The following GALNT10 variants were observed in gnomAD, a reference collection of about 807,000 sequenced individuals.
GALNT10 encodes the protein GalNAc transferase 10.
GALNT10 carries 41 observed loss-of-function variants against 75.0 expected under a neutral mutation model. That is an observed-to-expected ratio of 0.55 (90% confidence interval 0.43 to 0.71). The LOEUF is 0.71. GALNT10 is among the 30% of genes least tolerant of loss of function. GALNT10 has a pLI of 0.00. For synonymous variants in GALNT10, 302 were observed against 313.0 expected (o/e 0.96, Z 0.37); for missense variants, 727 against 818.5 (o/e 0.89, Z 1.36).
At chr5:154,290,928 G>A (rs771572045) in intron 1 of GALNT10, among the ~76,000 whole-genome samples, 7 of 152,172 alleles carry the variant, frequency 4.6e-5, no homozygotes, top group South Asian at 2.1e-4. Flanking sequence ...TAGCAGCTGC[G>A]TGCTTAGACA....
In GALNT10 at chr5:154,418,356, G is replaced by C. The variant is rs1163312921; in HGVS notation, c.*1384G>C. The C allele has an allele frequency of 6.6e-6, 1 of 152,272 alleles. No individual in the cohort carries two copies. The highest frequency in any genetic ancestry group is 1.5e-5 in the Non-Finnish European group (1 of 68,076). The allele number at this position is 152,272 out of a possible 1,614,324, so 9.4% of individuals were successfully genotyped here. A position where few individuals can be genotyped will look rare whatever the true frequency, so the allele number is the denominator to read the frequency against. Reference sequence around the variant, plus strand: ...CAGATATACACCCAGCTCCATGCCAGCCCTTCATGTTTACCTTTTGCTTTG... The same window carrying C: ...CAGATATACACCCAGCTCCATGCCACCCCTTCATGTTTACCTTTTGCTTTG... On this transcript the variant is annotated 3_prime_UTR_variant, in exon 12 of 12. Coordinates refer to ENST00000297107, the MANE Select transcript of GALNT10 (RefSeq NM_198321.4).
At chr5:154,324,642 A>G (rs1484443758) in intron 3 of GALNT10, among the ~76,000 whole-genome samples, 1 of 152,152 alleles carries the variant, frequency 6.6e-6, no homozygotes, top group Non-Finnish European at 1.5e-5. Context: ...GTGGGCATCA[A>G]AGTCACCCAG....
In GALNT10 at chr5:154,372,618, G is replaced by A. The variant is rs77229309; in HGVS notation, c.569-3659G>A. Among the ~76,000 whole-genome samples, 981 of 152,326 alleles carry A rather than the reference G, an allele frequency of 6.4e-3. 12 individuals are homozygous for A. Among genetic ancestry groups the A allele is most frequent in the African/African-American group, 0.022 (919 of 41,560 alleles). On this transcript the variant is annotated intron_variant, in intron 4 of 11. Transcript: ENST00000297107. Reference sequence around the variant, plus strand: ...AGCACTGCAGGACAGGCAGCACTGCGGGCGGCTATGCATGGTCCACTGAGA... The same window carrying A: ...AGCACTGCAGGACAGGCAGCACTGCAGGCGGCTATGCATGGTCCACTGAGA...
chr5:154,224,256 G>T (rs1753027562), intron 1 of GALNT10, among the ~76,000 whole-genome samples: 1 of 152,246 alleles, frequency 6.6e-6, no homozygotes, highest in South Asian at 2.1e-4. Context: ...CACTGTAAGT[G>T]TTGGGGCCCC....
chr5:154,279,117 C>T (rs1026621344), intron 1 of GALNT10, among the ~76,000 whole-genome samples: 11 of 152,182 alleles, frequency 7.2e-5, no homozygotes, highest in African/African-American at 1.7e-4. Context: ...TTTTGGAAAC[C>T]ACAAAAGTTT....
intron 7 of GALNT10, among the ~76,000 whole-genome samples, chr5:154,393,728 C>G (rs1364570467): frequency 6.6e-6 from 1 of 152,020 alleles, no homozygotes; most frequent in Non-Finnish European, 1.5e-5. Flanking sequence ...GTAGTCCCAG[C>G]TACTTGGAAG....
chr5:154,354,347 C>T (rs1581988847), intron 4 of GALNT10, among the ~76,000 whole-genome samples: 1 of 152,154 alleles, frequency 6.6e-6, no homozygotes, highest in African/African-American at 2.4e-5. Context: ...ATTCAGGAAA[C>T]TTCAAGGGGT....
chr5:154,330,921 G>A (rs1229551741), intron 4 of GALNT10, among the ~76,000 whole-genome samples: 1 of 97,328 alleles, frequency 1.0e-5, no homozygotes, highest in African/African-American at 2.7e-5. Context: ...GTGTGTGTGT[G>A]TGTGTGTGTG....
chr5:154,206,418 C>T (rs578174316), intron 1 of GALNT10, among the ~76,000 whole-genome samples: 2 of 152,274 alleles, frequency 1.3e-5, no homozygotes, highest in East Asian at 3.9e-4. Context: ...CAAAAAACAG[C>T]CGCTGCCTTG....
chr5:154,410,517 A>C (rs779897090), intron 9 of GALNT10, among the ~76,000 whole-genome samples: 1 of 152,128 alleles, frequency 6.6e-6, no homozygotes, highest in Non-Finnish European at 1.5e-5. Context: ...GTGCCACTGC[A>C]CTCCAGCCTG....
intron 3 of GALNT10, among the ~76,000 whole-genome samples, chr5:154,322,419 C>G (rs1457106206): frequency 6.6e-6 from 1 of 152,196 alleles, no homozygotes; most frequent in Non-Finnish European, 1.5e-5. Context: ...GAAAGGTTCT[C>G]TGCTTTTAAA....
At chr5:154,354,521 G>T (rs1755259377) in intron 4 of GALNT10, among the ~76,000 whole-genome samples, 1 of 152,152 alleles carries the variant, frequency 6.6e-6, no homozygotes, top group Non-Finnish European at 1.5e-5. Context: ...CTCATCTCCT[G>T]CTTCCCATTG....
intron 3 of GALNT10, among the ~76,000 whole-genome samples, chr5:154,315,856 C>T (rs1334357803): frequency 6.6e-6 from 1 of 152,196 alleles, no homozygotes; most frequent in African/African-American, 2.4e-5. Context: ...CCTGATGACC[C>T]TCCTGTTTAC....
intron 1 of GALNT10, among the ~76,000 whole-genome samples, chr5:154,247,387 C>T (rs987352854): frequency 6.6e-6 from 1 of 152,090 alleles, no homozygotes; most frequent in African/African-American, 2.4e-5. Flanking sequence ...TTGAATCTAT[C>T]AATTACCTTG....
At chr5:154,272,687 A>C (rs1198193195) in intron 1 of GALNT10, among the ~76,000 whole-genome samples, 1 of 152,210 alleles carries the variant, frequency 6.6e-6, no homozygotes. Context: ...CATCTATAAA[A>C]TAGGAACGAT....
At chr5:154,207,836 G>A (rs924423691) in intron 1 of GALNT10, among the ~76,000 whole-genome samples, 1 of 152,178 alleles carries the variant, frequency 6.6e-6, no homozygotes, top group African/African-American at 2.4e-5. Flanking sequence ...CACAGTTAGG[G>A]CCAGGTCATG....
At chr5:154,269,919 G>T (rs1581948305) in intron 1 of GALNT10, among the ~76,000 whole-genome samples, 1 of 152,152 alleles carries the variant, frequency 6.6e-6, no homozygotes, top group Non-Finnish European at 1.5e-5. Flanking sequence ...AAGAGTCTGG[G>T]CACTGAAGCT....
intron 4 of GALNT10, among the ~76,000 whole-genome samples, chr5:154,364,719 T>C (rs1351929277): frequency 6.6e-6 from 1 of 152,114 alleles, no homozygotes; most frequent in African/African-American, 2.4e-5. Context: ...ACGATAGTCA[T>C]GGAAGCCGGC....
intron 3 of GALNT10, among the ~76,000 whole-genome samples, chr5:154,329,032 C>T (rs1351743066): frequency 6.6e-6 from 1 of 152,000 alleles, no homozygotes; most frequent in Non-Finnish European, 1.5e-5. Flanking sequence ...TGGTGACCAC[C>T]CCGCCTCCTG....
Sources: gnomAD v4.1 joint callset for allele counts (sites outside exome capture counted in the v4.1 genomes callset) on GRCh38, gnomAD v4.1.1 for gene constraint, MANE v1.5 for transcripts, NCBI Gene and HGNC (gene_info 2026-07-23, HGNC 2026-07-21) for gene names.